The following STAT1 variants were observed in gnomAD, a reference collection of about 807,000 sequenced individuals.
The protein encoded by STAT1 is signal transducer and activator of transcription 1-alpha/beta.
Under a neutral mutation model 111.7 loss-of-function variants are expected in STAT1, and 24 were observed. That is an observed-to-expected ratio of 0.21 (90% CI 0.16 to 0.30). The LOEUF (loss-of-function observed/expected upper bound fraction) is 0.30. STAT1 is among the 10% of genes least tolerant of loss of function. The pLI is 1.00. For synonymous variants in STAT1, 332 were observed against 326.5 expected, an observed-to-expected ratio of 1.02 and a Z score of -0.18; for missense variants, 351 against 911.9, an observed-to-expected ratio of 0.38 and a Z score of 7.92.
chr2:190,974,706 C>T lies in STAT1; in HGVS notation c.2238+124G>A. The T allele has an allele frequency of 1.2e-6, 1 of 817,744 alleles. No individual in the cohort carries two copies. The highest frequency in any genetic ancestry group is 1.4e-5 in the South Asian group (1 of 70,350). 50.7% of individuals were successfully genotyped at this position (817,744 alleles called of 1,614,324 possible). ...CTTGTCATGGCTCATCTGAGCACTGCACTCTCCTTGGCTCCGCCAGGGCTC... is the reference window on the plus strand; with the variant it reads ...CTTGTCATGGCTCATCTGAGCACTGTACTCTCCTTGGCTCCGCCAGGGCTC... On this transcript the variant is annotated intron_variant, in intron 24 of 24. Coordinates refer to ENST00000361099, the MANE Select transcript of STAT1 (RefSeq NM_007315.4). The surrounding 1 kb of genome is among the most constrained non-coding windows in gnomAD (Gnocchi z 4.8).
Position 191,013,556 on chromosome 2 carries a change from G to A in STAT1, c.-33C>T, listed in dbSNP as rs1279334374. 2.5e-6 allele frequency: 1 copy of A among 398,528 alleles called. No individual in the cohort carries two copies. Among genetic ancestry groups the A allele is most frequent in the East Asian group, 3.6e-5 (1 of 28,068 alleles). 24.7% of individuals were successfully genotyped at this position (398,528 alleles called of 1,614,324 possible). ...CCTTGTGCCCCAACAAGGGCCTGGGGATTCAACCAAAGGAGCAGCTACGCA... is the reference window on the plus strand; with the variant it reads ...CCTTGTGCCCCAACAAGGGCCTGGGAATTCAACCAAAGGAGCAGCTACGCA... On this transcript the variant is annotated 5_prime_UTR_variant, in exon 2 of 25. Coordinates refer to ENST00000361099, the MANE Select transcript of STAT1 (RefSeq NM_007315.4).
chr2:190,977,160 A>G lies in STAT1; in HGVS notation c.1874-135T>C. 1 of 803,896 alleles carries G rather than the reference A, an allele frequency of 1.2e-6. No individual in the cohort carries two copies. Among genetic ancestry groups the G allele is most frequent in the Admixed American group, 2.0e-5 (1 of 48,866 alleles). 49.8% of individuals were successfully genotyped at this position (803,896 alleles called of 1,614,324 possible). ...AATCACAATCTAAGCATTATAACAT[A>G]TACAGTAGACTGCTTTATTTCTAAA... On this transcript the variant is annotated intron_variant, in intron 21 of 24. Transcript: ENST00000361099. This position sits in a 1 kb window ranked among gnomAD's most constrained non-coding sequence, Gnocchi z 4.7.
At chr2:190,972,052 T>C (rs1312221566) in intron 24 of STAT1, among the ~76,000 whole-genome samples, 1 of 150,360 alleles carries the variant, frequency 6.7e-6, no homozygotes, top group Non-Finnish European at 1.5e-5. Context: ...GGGTGGACCG[T>C]GGGGGTAAAG....
chr2:190,978,508 A>C lies in STAT1; in HGVS notation c.1873+348T>G. ...GCACACTCTACTCTGGGATGACCCT[A>C]AGAGAATGTGGATGCTTACTCCTGT... is the stretch of plus-strand genomic sequence containing the variant. On this transcript the variant is annotated intron_variant, in intron 21 of 24. Coordinates refer to ENST00000361099, the MANE Select transcript of STAT1 (RefSeq NM_007315.4). This position sits in a 1 kb window ranked among gnomAD's most constrained non-coding sequence, Gnocchi z 6.1. 1 of 366,256 alleles carries C rather than the reference A, an allele frequency of 2.7e-6. No individual in the cohort carries two copies. Among genetic ancestry groups the C allele is most frequent in the Non-Finnish European group, 5.3e-6 (1 of 187,414 alleles). The allele number at this position is 366,256 out of a possible 1,614,324, so 22.7% of individuals were successfully genotyped here. A position where few individuals can be genotyped will look rare whatever the true frequency, so the allele number is the denominator to read the frequency against.
At position 190,995,333 on chromosome 2, in the gene STAT1, G is replaced by A. The variant is rs1050282378; in HGVS notation, c.786-114C>T. 1.1e-5 allele frequency: 12 copies of A among 1,057,502 alleles called. No homozygotes were observed. The highest frequency in any genetic ancestry group is 1.8e-5 in the Admixed American group (1 of 56,922). The allele number at this position is 1,057,502 out of a possible 1,614,324, so 65.5% of individuals were successfully genotyped here. A position where few individuals can be genotyped will look rare whatever the true frequency, so the allele number is the denominator to read the frequency against. ...TCATGCTGCTAATAAAGACATACTCGAGACTGGAGAATTTATAAAGGAAAG... is the reference window on the plus strand; with the variant it reads ...TCATGCTGCTAATAAAGACATACTCAAGACTGGAGAATTTATAAAGGAAAG... On this transcript the variant is annotated intron_variant, in intron 9 of 24. Coordinates refer to ENST00000361099, the MANE Select transcript of STAT1 (RefSeq NM_007315.4). This position sits in a 1 kb window ranked among gnomAD's most constrained non-coding sequence, Gnocchi z 4.2.
At chr2:190,994,927 A>AAATATAT (rs1165918318) in intron 10 of STAT1, 134 bp downstream of exon 10, 35 of 135,132 alleles carry the variant, frequency 2.6e-4, no homozygotes, top group Non-Finnish European at 3.5e-4. Flanking sequence ...AAAAAAAAAA[A>AAATATAT]ATATATATAT....
Position 190,970,601 on chromosome 2 carries a change from T to C in STAT1, c.*102A>G, listed in dbSNP as rs991696488. The C allele has an allele frequency of 6.5e-6, 9 of 1,395,130 alleles. No homozygotes were observed. Among genetic ancestry groups the C allele is most frequent in the Middle Eastern group, 1.8e-4 (1 of 5,686 alleles). The allele number at this position is 1,395,130 out of a possible 1,614,324, so 86.4% of individuals were successfully genotyped here. ...TGCAGCGAATTTGCTGGCCTTTCTT[T>C]CATTTCCCTAGAAACACAGGATGTG... On this transcript the variant is annotated 3_prime_UTR_variant, in exon 25 of 25. Transcript: ENST00000361099. This position sits in a 1 kb window ranked among gnomAD's most constrained non-coding sequence, Gnocchi z 5.4.
rs778063346 is a variant in STAT1 at position 191,007,617 on chromosome 2, G to A, written c.318C>T (p.Tyr106=). The part of the protein sequence containing the change: ...EDPIQMSMII[Y]SCLKEERKIL... ...TTTTCCTTTCTTCCTTCAGACAGCT[G>A]TAAATGATCATAGACATCTGGATTG... The change falls in exon 5 of 25, where the codon TAC becomes TAT. Residue 106 remains tyrosine, a synonymous_variant. Transcript: ENST00000361099. The surrounding 1 kb of genome is among the most constrained non-coding windows in gnomAD (Gnocchi z 4.2). 9.9e-6 allele frequency: 16 copies of A among 1,613,718 alleles called. No homozygotes were observed. The highest frequency in any genetic ancestry group is 2.2e-5 in the East Asian group (1 of 44,798).
In STAT1 at chr2:190,976,830, C is replaced by T. The variant is rs1414172535; in HGVS notation, c.2059+10G>A. ...GTGCCACGCTGTTACCACCTGCTTG[C>T]CCCACTTACCTTCCTTTGGCCTGGA... is the stretch of plus-strand genomic sequence containing the variant. On this transcript the variant is annotated intron_variant, in intron 22 of 24. Transcript: ENST00000361099. This position sits in a 1 kb window ranked among gnomAD's most constrained non-coding sequence, Gnocchi z 6.0. 1 of 1,613,066 alleles carries T rather than the reference C, an allele frequency of 6.2e-7. No individual in the cohort carries two copies. The highest frequency in any genetic ancestry group is 8.5e-7 in the Non-Finnish European group (1 of 1,178,996).
At position 190,974,434 on chromosome 2, in the gene STAT1, G is replaced by A. The variant is rs1010011068; in HGVS notation, c.2238+396C>T. On this transcript the variant is annotated intron_variant, in intron 24 of 24. Coordinates refer to ENST00000361099, the MANE Select transcript of STAT1 (RefSeq NM_007315.4). This position sits in a 1 kb window ranked among gnomAD's most constrained non-coding sequence, Gnocchi z 4.8. The stretch of plus-strand genomic sequence containing the variant: ...TAATTACTGTAACTACCAAGCGTTA[G>A]TCCCTCCCTTTCTAAAAATAACACT... Among the ~76,000 whole-genome samples, 1 of 152,150 alleles carries A rather than the reference G, an allele frequency of 6.6e-6. No homozygotes were observed. The highest frequency in any genetic ancestry group is 2.4e-5 in the African/African-American group (1 of 41,428).
Position 190,970,612 on chromosome 2 carries a change from G to A in STAT1, c.*91C>T. ...TGCTGGCCTTTCTTTCATTTCCCTA[G>A]AAACACAGGATGTGAAGGAACAGAG... On this transcript the variant is annotated 3_prime_UTR_variant, in exon 25 of 25. Transcript: ENST00000361099. This position sits in a 1 kb window ranked among gnomAD's most constrained non-coding sequence, Gnocchi z 5.4. 1 of 1,450,942 alleles carries A rather than the reference G, an allele frequency of 6.9e-7. No homozygotes were observed. Among genetic ancestry groups the A allele is most frequent in the Admixed American group, 1.7e-5 (1 of 59,728 alleles). 89.9% of individuals were successfully genotyped at this position (1,450,942 alleles called of 1,614,324 possible). A position where few individuals can be genotyped will look rare whatever the true frequency, so the allele number is the denominator to read the frequency against.
Position 190,970,696 on chromosome 2 carries a change from T to G in STAT1, c.*7A>C. 2 of 1,613,518 alleles carry G rather than the reference T, an allele frequency of 1.2e-6. No homozygotes were observed. The highest frequency in any genetic ancestry group is 1.7e-6 in the Non-Finnish European group (2 of 1,179,724). Reference sequence around the variant, plus strand: ...TGTCGCCAGAGAAGATGAAAAAAATTCATGCTCTATACTGTGTTCATCTGT... The same window carrying G: ...TGTCGCCAGAGAAGATGAAAAAAATGCATGCTCTATACTGTGTTCATCTGT... On this transcript the variant is annotated 3_prime_UTR_variant, in exon 25 of 25. Coordinates refer to ENST00000361099, the MANE Select transcript of STAT1 (RefSeq NM_007315.4). The surrounding 1 kb of genome is among the most constrained non-coding windows in gnomAD (Gnocchi z 5.4).
In STAT1 at chr2:190,995,116, T is replaced by C; in HGVS notation, c.889A>G (p.Asn297Asp). ...GTGCGGTCCCATAACACTTGTTTGT[T>C]TTTTGTGATAGGGTCATGTTCGTAG... ...YTYEHDPITKNKQVLWDRTFS... is the reference protein window; with the variant it reads ...YTYEHDPITKDKQVLWDRTFS... The change falls in exon 10 of 25, where the codon AAC becomes GAC. Residue 297 changes from asparagine to aspartate, a missense_variant. This residue lies in a region of STAT1 where 16 missense variants were observed against 23.7 expected (regional missense o/e 0.67). Coordinates refer to ENST00000361099, the MANE Select transcript of STAT1 (RefSeq NM_007315.4). This position sits in a 1 kb window ranked among gnomAD's most constrained non-coding sequence, Gnocchi z 4.2. 3 of 1,613,910 alleles carry C rather than the reference T, an allele frequency of 1.9e-6. No homozygotes were observed. Among genetic ancestry groups the C allele is most frequent in the Non-Finnish European group, 2.5e-6 (3 of 1,179,952 alleles).
In STAT1 at chr2:190,993,903, C is replaced by A. The variant is rs1051300059; in HGVS notation, c.944+1158G>T. On this transcript the variant is annotated intron_variant, in intron 10 of 24. Transcript: ENST00000361099. This position sits in a 1 kb window ranked among gnomAD's most constrained non-coding sequence, Gnocchi z 4.1. Reference sequence around the variant, plus strand: ...TCACAAGGCACTGCGCTAGGTCCTGCTGGGGGAAAAGGGTGACAAAGGCAT... The same window carrying A: ...TCACAAGGCACTGCGCTAGGTCCTGATGGGGGAAAAGGGTGACAAAGGCAT... Among the ~76,000 whole-genome samples the A allele has an allele frequency of 6.6e-6, 1 of 152,044 alleles. No individual in the cohort carries two copies. The highest frequency in any genetic ancestry group is 1.5e-5 in the Non-Finnish European group (1 of 68,006).
rs2125102982 is a variant in STAT1 at position 191,009,753 on chromosome 2, C to CA, written c.128+122dup. On this transcript the variant is annotated intron_variant, in intron 3 of 24. Coordinates refer to ENST00000361099, the MANE Select transcript of STAT1 (RefSeq NM_007315.4). ...TTTTTTAAATCAACAAACTTTTCTA[C>CA]AACAAATAATTCCAGTGGCCATTGA... is the stretch of plus-strand genomic sequence containing the variant. The CA allele has an allele frequency of 7.9e-6, 11 of 1,385,214 alleles. No individual in the cohort carries two copies. In the South Asian group the frequency reaches 1.1e-4, roughly 13 times the overall value. The allele number at this position is 1,385,214 out of a possible 1,614,324, so 85.8% of individuals were successfully genotyped here. A position where few individuals can be genotyped will look rare whatever the true frequency, so the allele number is the denominator to read the frequency against.
At position 190,998,809 on chromosome 2, in the gene STAT1, T is replaced by C. The variant is rs1045901111; in HGVS notation, c.542-501A>G. 2.7e-5 allele frequency among the ~76,000 whole-genome samples: 4 copies of C among 150,448 alleles called. No homozygotes were observed. Among genetic ancestry groups the C allele is most frequent in the African/African-American group, 5.0e-5 (2 of 40,174 alleles). ...AATAACATTAATAATAATGTTATTATTATTATAAAAATAAATGTAAATAAT... is the reference window on the plus strand; with the variant it reads ...AATAACATTAATAATAATGTTATTACTATTATAAAAATAAATGTAAATAAT... On this transcript the variant is annotated intron_variant, in intron 7 of 24. Transcript: ENST00000361099. This position sits in a 1 kb window ranked among gnomAD's most constrained non-coding sequence, Gnocchi z 4.1.
intron 4 of STAT1, chr2:191,008,021 T>C (rs1205985981): frequency 1.1e-5 from 5 of 460,396 alleles, no homozygotes; most frequent in Non-Finnish European, 1.7e-5. Flanking sequence ...ATGACATTCC[T>C]CAATGAATGC....
rs1268341670 is a variant in STAT1, at chr2:190,979,622, T to A, written c.1727+150A>T. On this transcript the variant is annotated intron_variant, in intron 20 of 24. Transcript: ENST00000361099. This position sits in a 1 kb window ranked among gnomAD's most constrained non-coding sequence, Gnocchi z 5.8. ...TAAGGTTAATGTTATGAGGTTCTAC[T>A]CTTCTGAAGCCCTGAAGGGGCAGCC... is the stretch of plus-strand genomic sequence containing the variant. The A allele has an allele frequency of 4.7e-6, 3 of 643,430 alleles. No individual in the cohort carries two copies. The African/African-American group carries it at 5.6e-5, about 12-fold the overall frequency. The allele number at this position is 643,430 out of a possible 1,614,324, so 39.9% of individuals were successfully genotyped here. A position where few individuals can be genotyped will look rare whatever the true frequency, so the allele number is the denominator to read the frequency against.
At chr2:191,013,793 A>C (rs537062280) in intron 1 of STAT1, 115 bp from the exon 2 acceptor site, 1 of 397,212 alleles carries the variant, frequency 2.5e-6, no homozygotes, top group South Asian at 1.4e-4. Context: ...AGTCCTCTTC[A>C]CTGCCAGAGC....
Sources: gnomAD v4.1 joint callset for allele counts (sites outside exome capture counted in the v4.1 genomes callset) on GRCh38, gnomAD v4.1.1 for gene constraint, gnomAD v4.1.1 regional missense constraint, Gnocchi (gnomAD v3.1) non-coding constraint, MANE v1.5 for transcripts, NCBI Gene and HGNC (gene_info 2026-07-23, HGNC 2026-07-21) for gene names.